ELMO2: variants seen among roughly 807,000 people sequenced by gnomAD.
ELMO2 encodes engulfment and cell motility 2.
Under a neutral mutation model 96.2 loss-of-function variants are expected in ELMO2, and 37 were observed. The observed-to-expected ratio is 0.38, with a 90% CI of 0.30 to 0.51. ELMO2 has a LOEUF of 0.51. ELMO2 is among the 20% of genes least tolerant of loss of function. The pLI, the probability that ELMO2 is intolerant of heterozygous loss-of-function variation, is 0.88. For missense variants in ELMO2, 561 were observed against 912.6 expected, an observed-to-expected ratio of 0.61 and a Z score of 4.96; for synonymous variants, 315 against 329.4, an observed-to-expected ratio of 0.96 and a Z score of 0.47.
At chr20:46,369,377 A>G (rs536917921) in intron 20 of ELMO2, 63 of 167,452 alleles carry the variant, frequency 3.8e-4, no homozygotes, top group Admixed American at 7.0e-4. Flanking sequence ...CACACACAAA[A>G]TTGGTCACTG....
intron 10 of ELMO2, 91 bp from the exon 11 acceptor site, chr20:46,380,394 C>CT: frequency 2.7e-6 from 3 of 1,100,064 alleles, no homozygotes; most frequent in South Asian, 1.4e-5. Flanking sequence ...AATTCTGGGC[C>CT]TTTTTTGCTT....
Position 46,375,219 on chromosome 20 carries a change from T to C in ELMO2, c.1065+17A>G. On this transcript the variant is annotated intron_variant, in intron 13 of 21. Coordinates refer to ENST00000290246, the MANE Select transcript of ELMO2 (RefSeq NM_133171.5). The surrounding 1 kb of genome is among the most constrained non-coding windows in gnomAD (Gnocchi z 4.6). ...AGGGGAGAGGGCCTACCACCGTCTATGCTCTGAGGTACTTACGGTAAATCC... is the reference window on the plus strand; with the variant it reads ...AGGGGAGAGGGCCTACCACCGTCTACGCTCTGAGGTACTTACGGTAAATCC... 6.2e-7 allele frequency: 1 copy of C among 1,612,290 alleles called. No individual in the cohort carries two copies. The highest frequency in any genetic ancestry group is 8.5e-7 in the Non-Finnish European group (1 of 1,179,590).
At chr20:46,377,307 C>T (rs767310750) in intron 11 of ELMO2, among the ~76,000 whole-genome samples, 26 of 152,152 alleles carry the variant, frequency 1.7e-4, no homozygotes, top group Non-Finnish European at 2.9e-5. Context: ...GTAACGTTTT[C>T]GATATCATGG....
chr20:46,388,412 C>T (rs572693180), intron 7 of ELMO2, among the ~76,000 whole-genome samples: 1 of 152,228 alleles, frequency 6.6e-6, no homozygotes, highest in African/African-American at 2.4e-5. Context: ...AGGCTCCAAG[C>T]ACCTGTTTAC....
chr20:46,373,366 C>T (rs780927567), intron 16 of ELMO2, 33 bp downstream of exon 16: 11 of 1,612,786 alleles, frequency 6.8e-6, no homozygotes, highest in East Asian at 2.2e-5. Context: ...TGGTCTCCTC[C>T]CGTGGGCCTC....
chr20:46,386,289 T>C lies in ELMO2; in HGVS notation c.526-14A>G, dbSNP rs770004790. ...ATACCCTGCAATCTAGACCCAGAGA[T>C]GGCACATCAATTGAGAAGCTCAGGG... On this transcript the variant is annotated splice_polypyrimidine_tract_variant and intron_variant, in intron 8 of 21. Transcript: ENST00000290246. 1 of 1,613,122 alleles carries C rather than the reference T, an allele frequency of 6.2e-7. No individual in the cohort carries two copies. The highest frequency in any genetic ancestry group is 8.5e-7 in the Non-Finnish European group (1 of 1,179,488).
intron 1 of ELMO2, among the ~76,000 whole-genome samples, chr20:46,399,629 C>T (rs973860975): frequency 6.6e-6 from 1 of 152,202 alleles, no homozygotes; most frequent in East Asian, 1.9e-4. Context: ...TACACATCTC[C>T]ACTAGCTCCT....
chr20:46,383,266 G>T, intron 10 of ELMO2, 150 bp downstream of exon 10: 1 of 807,272 alleles, frequency 1.2e-6, no homozygotes, highest in Non-Finnish European at 2.0e-6. Flanking sequence ...CCTTAGCAAA[G>T]CCACCCTCCT....
At chr20:46,386,767 A>G (rs2060052523) in intron 8 of ELMO2, among the ~76,000 whole-genome samples, 1 of 152,176 alleles carries the variant, frequency 6.6e-6, no homozygotes, top group Non-Finnish European at 1.5e-5. Context: ...GGGAGTCCCA[A>G]TGTCCTAAGC....
chr20:46,394,668 C>A lies in ELMO2; in HGVS notation c.-50-136G>T, dbSNP rs2060214109. ...CTACCTGGTTTGAATTTTTCTAGATCATACCACAACTTCTGCTTAGGATTT... is the reference window on the plus strand; with the variant it reads ...CTACCTGGTTTGAATTTTTCTAGATAATACCACAACTTCTGCTTAGGATTT... On this transcript the variant is annotated intron_variant, in intron 2 of 21. Transcript: ENST00000290246. 1.4e-5 allele frequency: 9 copies of A among 646,506 alleles called. No individual in the cohort carries two copies. In the East Asian group the frequency reaches 2.5e-4, roughly 18 times the overall value. 40.0% of individuals were successfully genotyped at this position (646,506 alleles called of 1,614,324 possible). A position where few individuals can be genotyped will look rare whatever the true frequency, so the allele number is the denominator to read the frequency against.
chr20:46,374,103 T>G (rs1179185431), intron 15 of ELMO2, among the ~76,000 whole-genome samples: 1 of 142,046 alleles, frequency 7.0e-6, no homozygotes, highest in Non-Finnish European at 1.6e-5. Flanking sequence ...TTTTGGTTTT[T>G]TTTTTTTTTT....
At chr20:46,384,898 G>A (rs1468119284) in intron 9 of ELMO2, among the ~76,000 whole-genome samples, 1 of 152,066 alleles carries the variant, frequency 6.6e-6, no homozygotes, top group Non-Finnish European at 1.5e-5. Context: ...AGCCTGCAGT[G>A]AGTTATGATC....
chr20:46,384,807 A>G (rs1470090187), intron 9 of ELMO2, among the ~76,000 whole-genome samples: 20 of 151,926 alleles, frequency 1.3e-4, no homozygotes, highest in Admixed American at 1.3e-3. Flanking sequence ...AAAATAAAAA[A>G]AAAAAAAAAA....
At chr20:46,381,959 T>G (rs1382100479) in intron 10 of ELMO2, among the ~76,000 whole-genome samples, 2 of 152,206 alleles carry the variant, frequency 1.3e-5, no homozygotes, top group Non-Finnish European at 2.9e-5. Flanking sequence ...TACAGACCCA[T>G]GCAAAGGCAA....
intron 20 of ELMO2, 176 bp downstream of exon 20, chr20:46,370,267 G>A (rs779506625): frequency 4.3e-6 from 3 of 704,768 alleles, no homozygotes; most frequent in Non-Finnish European, 7.7e-6. Context: ...TGGTTGCTGA[G>A]TCTGGGTGAT....
chr20:46,382,662 G>A (rs1272920655), intron 10 of ELMO2, among the ~76,000 whole-genome samples: 1 of 152,168 alleles, frequency 6.6e-6, no homozygotes, highest in Non-Finnish European at 1.5e-5. Flanking sequence ...AGGCCCCTCG[G>A]CTCTTAGGTC....
chr20:46,369,123 A>C (rs931823339), intron 20 of ELMO2, 155 bp from the exon 21 acceptor site: 10 of 648,348 alleles, frequency 1.5e-5, no homozygotes, highest in Non-Finnish European at 2.7e-5. Flanking sequence ...GTGTGGCTGG[A>C]GATGAGGCCC....
At chr20:46,389,839 ACT>A (rs2060120390) in intron 6 of ELMO2, among the ~76,000 whole-genome samples, 1 of 151,786 alleles carries the variant, frequency 6.6e-6, no homozygotes. Flanking sequence ...ACAGAGCAAG[ACT>A]CTCTCTCAAA....
At chr20:46,374,197 C>A (rs1159127028) in intron 15 of ELMO2, 135 bp downstream of exon 15, 2 of 559,476 alleles carry the variant, frequency 3.6e-6, no homozygotes, top group African/African-American at 4.0e-5. Flanking sequence ...CTGCCTCAGT[C>A]TCCCAAAGTG....
Sources: allele counts gnomAD v4.1 joint callset (sites outside exome capture counted in the v4.1 genomes callset), GRCh38; gene constraint gnomAD v4.1.1; non-coding constraint Gnocchi (gnomAD v3.1); transcripts MANE v1.5; gene names NCBI Gene and HGNC (gene_info 2026-07-23, HGNC 2026-07-21).